The following FNDC3B variants were observed in gnomAD, a reference collection of about 807,000 sequenced individuals.
FNDC3B encodes fibronectin type III domain-containing protein 3B.
Under a neutral mutation model 151.5 loss-of-function variants are expected in FNDC3B, and 12 were observed. That is an observed-to-expected ratio of 0.08 (90% confidence interval 0.05 to 0.13). The LOEUF is 0.13. Among genes scored for constraint, FNDC3B ranks in the 10% least tolerant of loss-of-function variants. The pLI is 1.00. For synonymous variants in FNDC3B, 528 were observed against 549.0 expected, an observed-to-expected ratio of 0.96 and a Z score of 0.54; for missense variants, 1,214 against 1,505.3, an observed-to-expected ratio of 0.81 and a Z score of 3.20.
intron 25 of FNDC3B, among the ~76,000 whole-genome samples, chr3:172,385,072 C>CTT (rs765315369): frequency 4.8e-5 from 7 of 145,510 alleles, no homozygotes; most frequent in Non-Finnish European, 9.1e-5. Context: ...GTACTGGTTT[C>CTT]TTTTTTTTTT....
intron 3 of FNDC3B, among the ~76,000 whole-genome samples, chr3:172,172,828 C>A (rs201518865): frequency 7.3e-6 from 1 of 136,286 alleles, no homozygotes; most frequent in Non-Finnish European, 1.6e-5. Context: ...ATATAAGGGA[C>A]CTATTTTGCT....
At chr3:172,256,246 A>G (rs1272290557) in intron 6 of FNDC3B, among the ~76,000 whole-genome samples, 1 of 151,946 alleles carries the variant, frequency 6.6e-6, no homozygotes, top group East Asian at 1.9e-4. Flanking sequence ...GCAAACTCCA[A>G]CTCAGGCCTT....
intron 7 of FNDC3B, among the ~76,000 whole-genome samples, chr3:172,293,029 C>T (rs1188277176): frequency 1.3e-5 from 2 of 152,162 alleles, no homozygotes; most frequent in African/African-American, 4.8e-5. Flanking sequence ...ACTTAAGAGT[C>T]CCTCTGTGTT....
At chr3:172,319,359 G>A (rs973195264) in intron 11 of FNDC3B, among the ~76,000 whole-genome samples, 1 of 152,114 alleles carries the variant, frequency 6.6e-6, no homozygotes, top group Admixed American at 6.5e-5. Flanking sequence ...TCCTCTCAAA[G>A]CATTTGAAAA....
chr3:172,248,933 C>T (rs879881611), intron 5 of FNDC3B, among the ~76,000 whole-genome samples: 5 of 150,896 alleles, frequency 3.3e-5, no homozygotes, highest in Non-Finnish European at 7.4e-5. Flanking sequence ...TTCACAATGT[C>T]GTATAAGGGG....
intron 3 of FNDC3B, among the ~76,000 whole-genome samples, chr3:172,192,671 T>G (rs1271599422): frequency 6.6e-6 from 1 of 152,180 alleles, no homozygotes; most frequent in African/African-American, 2.4e-5. Context: ...CATGTGTTTA[T>G]TCTATAAATG....
At chr3:172,378,234 G>A (rs986186882) in intron 23 of FNDC3B, 36 bp from the exon 24 acceptor site, 10 of 1,533,374 alleles carry the variant, frequency 6.5e-6, no homozygotes, top group East Asian at 2.3e-5. Flanking sequence ...ATTAGTAGAC[G>A]TTCAGATGGC....
chr3:172,137,652 GA>G (rs886632563), intron 3 of FNDC3B, among the ~76,000 whole-genome samples: 10 of 150,212 alleles, frequency 6.7e-5, no homozygotes, highest in East Asian at 1.9e-4. Context: ...TATTAAAAAA[GA>G]AAAAAAAATG....
chr3:172,165,779 AATG>A (rs1399837974), intron 3 of FNDC3B, among the ~76,000 whole-genome samples: 1 of 152,224 alleles, frequency 6.6e-6, no homozygotes, highest in East Asian at 1.9e-4. Flanking sequence ...TAGTTACCAA[AATG>A]AGAAACTGCC....
chr3:172,295,235 A>G (rs1000525581), intron 7 of FNDC3B, 128 bp from the exon 8 acceptor site: 1 of 837,118 alleles, frequency 1.2e-6, no homozygotes, highest in Non-Finnish European at 1.9e-6. Context: ...GCACCATATA[A>G]GATGTCTTTC....
chr3:172,191,769 C>T (rs554850871), intron 3 of FNDC3B, among the ~76,000 whole-genome samples: 2 of 152,154 alleles, frequency 1.3e-5, no homozygotes, highest in Non-Finnish European at 2.9e-5. Flanking sequence ...CATGCGTGAG[C>T]CACCGTGCCT....
chr3:172,339,577 A>AAAAC (rs566448620), intron 16 of FNDC3B, among the ~76,000 whole-genome samples: 9 of 152,294 alleles, frequency 5.9e-5, no homozygotes, highest in Non-Finnish European at 1.5e-5. Context: ...GAAAAAACAA[A>AAAAC]AAACAAACAA....
At chr3:172,070,538 G>C (rs952066341) in intron 1 of FNDC3B, among the ~76,000 whole-genome samples, 1 of 152,190 alleles carries the variant, frequency 6.6e-6, no homozygotes, top group Non-Finnish European at 1.5e-5. Flanking sequence ...AGTGGCTGAC[G>C]AGGGGAGAAG....
intron 3 of FNDC3B, among the ~76,000 whole-genome samples, chr3:172,175,262 C>T (rs989740501): frequency 1.3e-5 from 2 of 151,970 alleles, no homozygotes; most frequent in Admixed American, 1.3e-4. Context: ...CACCTTTGGG[C>T]CTTTGTTGAA....
intron 11 of FNDC3B, among the ~76,000 whole-genome samples, chr3:172,324,433 C>T (rs1408787647): frequency 2.0e-5 from 3 of 152,044 alleles, no homozygotes; most frequent in African/African-American, 7.2e-5. Context: ...AGGTTGAGTG[C>T]GAAGAGGAAC....
intron 24 of FNDC3B, among the ~76,000 whole-genome samples, chr3:172,380,353 G>A (rs2088032580): frequency 6.6e-6 from 1 of 151,886 alleles, no homozygotes; most frequent in Non-Finnish European, 1.5e-5. Flanking sequence ...GAGGAGTTCA[G>A]GAGGTGAAAA....
intron 6 of FNDC3B, among the ~76,000 whole-genome samples, chr3:172,261,759 C>T (rs1157561424): frequency 6.6e-6 from 1 of 152,186 alleles, no homozygotes; most frequent in Non-Finnish European, 1.5e-5. Context: ...ATGCAATTTA[C>T]AAAGTAATAA....
At chr3:172,088,694 T>G (rs1210714130) in intron 1 of FNDC3B, among the ~76,000 whole-genome samples, 1 of 152,170 alleles carries the variant, frequency 6.6e-6, no homozygotes, top group Non-Finnish European at 1.5e-5. Flanking sequence ...TAAAAGTAGG[T>G]GCCAGTGTTA....
intron 9 of FNDC3B, among the ~76,000 whole-genome samples, chr3:172,299,273 C>T (rs1036690209): frequency 6.6e-6 from 1 of 152,170 alleles, no homozygotes; most frequent in African/African-American, 2.4e-5. Flanking sequence ...TGAGAATTAA[C>T]TCAATTTGGC....
Sources: gnomAD v4.1 joint callset for allele counts (sites outside exome capture counted in the v4.1 genomes callset) on GRCh38, gnomAD v4.1.1 for gene constraint, MANE v1.5 for transcripts, NCBI Gene and HGNC (gene_info 2026-07-23, HGNC 2026-07-21) for gene names.